CENPN: variants seen among roughly 807,000 people sequenced by gnomAD.
CENPN encodes interphase centromere complex protein 32.
CENPN carries 36 observed loss-of-function variants against 48.6 expected under a neutral mutation model. That is an observed-to-expected ratio of 0.74 (90% CI 0.57 to 0.98). CENPN has a LOEUF of 0.98. Ranked by LOEUF, CENPN falls within the 50% of genes least tolerant of loss-of-function variation. The pLI is 0.00. For synonymous variants in CENPN, 166 were observed against 135.2 expected (o/e 1.23, Z -1.58); for missense variants, 439 against 399.2 (o/e 1.10, Z -0.85).
At position 81,030,477 on chromosome 16, in the gene CENPN, A is replaced by G. The variant is rs1202261921; in HGVS notation, c.*1826A>G. On this transcript the variant is annotated 3_prime_UTR_variant, in exon 11 of 11. Transcript: ENST00000305850. ...AATGACTTCACTCTGGGCCGGGTGT[A>G]GTGGCTCACGCCTGTAATCCTAGCA... 1.3e-5 allele frequency: 11 copies of G among 863,888 alleles called. No homozygotes were observed. The highest frequency in any genetic ancestry group is 1.8e-5 in the African/African-American group (1 of 54,634). 53.5% of individuals were successfully genotyped at this position (863,888 alleles called of 1,614,324 possible). A position where few individuals can be genotyped will look rare whatever the true frequency, so the allele number is the denominator to read the frequency against.
chr16:81,010,389 C>A (rs202231632), intron 1 of CENPN, among the ~76,000 whole-genome samples: 4 of 152,086 alleles, frequency 2.6e-5, no homozygotes, highest in African/African-American at 9.7e-5. Flanking sequence ...TTCCTGCAGC[C>A]GCTAGGTCAT....
chr16:81,009,790 A>C lies in CENPN; in HGVS notation c.-10-2140A>C, dbSNP rs539113392. Among the ~76,000 whole-genome samples, 3 of 152,384 alleles carry C rather than the reference A, an allele frequency of 2.0e-5. No homozygotes were observed. The South Asian group carries it at 6.2e-4, about 32-fold the overall frequency. Reference sequence around the variant, plus strand: ...GAATTCCCACAGTTGTGAAGGAAACAGATGACTGACAGGCTTGTCTTAAAC... The same window carrying C: ...GAATTCCCACAGTTGTGAAGGAAACCGATGACTGACAGGCTTGTCTTAAAC... On this transcript the variant is annotated intron_variant, in intron 1 of 10. Coordinates refer to ENST00000305850, the MANE Select transcript of CENPN (RefSeq NM_001100624.3).
chr16:81,028,535 T>G (rs1238004712), intron 10 of CENPN, 34 bp from the exon 11 acceptor site: 3 of 1,554,768 alleles, frequency 1.9e-6, no homozygotes, highest in Non-Finnish European at 2.6e-6. Flanking sequence ...GACTTTTAAT[T>G]TTCTTTTTCC....
rs942615226 is a variant in CENPN, at chr16:81,020,473, C to A, written c.531+197C>A. ...ACGAGTCCAAGGCTGCCGTGAGCTG[C>A]GATCACAAGACAAAGCAACACCCCA... On this transcript the variant is annotated intron_variant, in intron 6 of 10. Coordinates refer to ENST00000305850, the MANE Select transcript of CENPN (RefSeq NM_001100624.3). 8 of 438,394 alleles carry A rather than the reference C, an allele frequency of 1.8e-5. No individual in the cohort carries two copies. The Admixed American group carries it at 2.9e-4, about 16-fold the overall frequency. The allele number at this position is 438,394 out of a possible 1,614,324, so 27.2% of individuals were successfully genotyped here. A position where few individuals can be genotyped will look rare whatever the true frequency, so the allele number is the denominator to read the frequency against.
intron 8 of CENPN, among the ~76,000 whole-genome samples, chr16:81,026,127 G>GTGTGTATATATA (rs1436389657): frequency 5.2e-5 from 5 of 95,654 alleles, no homozygotes; most frequent in African/African-American, 2.0e-4. Context: ...GTATATATAT[G>GTGTGTATATATA]TGTGTATATA....
At position 81,028,592 on chromosome 16, in the gene CENPN, C is replaced by A; in HGVS notation, c.961C>A (p.Pro321Thr). Reference protein sequence around the residue: ...PAGIADAPLSPLLTCIPNKRM... With the variant: ...PAGIADAPLSTLLTCIPNKRM... ...AGGTATTGCAGATGCTCCACTTTCT[C>A]CACTGCTCACTTGCATACCCAACAA... The change falls in exon 11 of 11, where the codon CCA becomes ACA. Residue 321 changes from proline to threonine, a missense_variant. Pro to Thr is a conservative substitution (Grantham distance 38). Transcript: ENST00000305850. 1 of 1,609,422 alleles carries A rather than the reference C, an allele frequency of 6.2e-7. No individual in the cohort carries two copies. The highest frequency in any genetic ancestry group is 1.1e-5 in the South Asian group (1 of 90,206).
chr16:81,026,556 T>C lies in CENPN; in HGVS notation c.728T>C (p.Val243Ala), dbSNP rs1970504984. Residue 243 changes from valine (V) to alanine (A), a missense_variant, in exon 9 of 11, where the codon GTA (valine) becomes GCA (alanine). By Grantham distance (64) the Val-to-Ala change is moderately conservative (BLOSUM62 0). Transcript: ENST00000305850. ...MDSRIIHENI[V>A]EKERVQRITQ... is the part of the protein sequence containing the mutation. Reference sequence around the variant, plus strand: ...TCAAGGATCATTCATGAAAACATAGTAGAAAAAGAGAGAGTCCAACGAATA... The same window carrying C: ...TCAAGGATCATTCATGAAAACATAGCAGAAAAAGAGAGAGTCCAACGAATA... The C allele has an allele frequency of 6.2e-7, 1 of 1,602,356 alleles. No individual in the cohort carries two copies. The highest frequency in any genetic ancestry group is 8.5e-7 in the Non-Finnish European group (1 of 1,171,570).
At chr16:81,022,401 A>T (rs1970256111) in intron 6 of CENPN, 196 bp from the exon 7 acceptor site, 1 of 544,992 alleles carries the variant, frequency 1.8e-6, no homozygotes, top group Non-Finnish European at 3.2e-6. Flanking sequence ...AAAAGACTGC[A>T]TTTATCAGAG....
chr16:81,009,756 T>C (rs1969665731), intron 1 of CENPN, among the ~76,000 whole-genome samples: 1 of 152,234 alleles, frequency 6.6e-6, no homozygotes, highest in African/African-American at 2.4e-5. Flanking sequence ...AGATACTTCT[T>C]TGTCCCTGGA....
chr16:81,016,409 G>T (rs1322549095), intron 3 of CENPN, among the ~76,000 whole-genome samples: 1 of 152,198 alleles, frequency 6.6e-6, no homozygotes, highest in African/African-American at 2.4e-5. Context: ...CAGTGAACAG[G>T]TCCCTCATTT....
chr16:81,014,410 A>G (rs1704155120), intron 3 of CENPN: 4 of 475,650 alleles, frequency 8.4e-6, no homozygotes, highest in African/African-American at 2.0e-5. Context: ...AATTTTTTGT[A>G]TTTTTTGCCA....
chr16:81,017,538 C>T (rs1969982274), intron 4 of CENPN, among the ~76,000 whole-genome samples, 153 bp downstream of exon 4: 1 of 152,072 alleles, frequency 6.6e-6, no homozygotes, highest in Non-Finnish European at 1.5e-5. Context: ...GTATGTTCCT[C>T]ATTTCTTTCA....
chr16:81,031,760 G>A (rs1160331012), downstream of CENPN, among the ~76,000 whole-genome samples: 2 of 152,100 alleles, frequency 1.3e-5, no homozygotes, highest in Non-Finnish European at 2.9e-5. Context: ...GTGCCACCAT[G>A]CCCAGCTAAT....
chr16:81,017,427 T>G, intron 4 of CENPN, 42 bp downstream of exon 4: 1 of 1,387,766 alleles, frequency 7.2e-7, no homozygotes, highest in Non-Finnish European at 1.0e-6. Context: ...ATAGTTTGGC[T>G]TGGACTCAGG....
intron 1 of CENPN, among the ~76,000 whole-genome samples, chr16:81,011,554 C>G (rs1381500777): frequency 6.6e-6 from 1 of 152,138 alleles, no homozygotes; most frequent in Non-Finnish European, 1.5e-5. Context: ...ATACTCTAGC[C>G]AGAAAAGGAG....
intron 2 of CENPN, 61 bp from the exon 3 acceptor site, chr16:81,014,075 T>C: frequency 7.1e-7 from 1 of 1,416,250 alleles, no homozygotes; most frequent in Non-Finnish European, 1.0e-6. Flanking sequence ...AAAATGTGTT[T>C]TAAACGGGAT....
intron 1 of CENPN, among the ~76,000 whole-genome samples, chr16:81,010,500 G>A (rs1969695202): frequency 6.6e-6 from 1 of 152,142 alleles, no homozygotes; most frequent in South Asian, 2.1e-4. Flanking sequence ...CTCAGGCATG[G>A]GCAGGAGAAG....
intron 1 of CENPN, among the ~76,000 whole-genome samples, chr16:81,008,582 G>T (rs977232498): frequency 1.3e-5 from 2 of 152,126 alleles, no homozygotes; most frequent in East Asian, 3.9e-4. Context: ...ATGTTGGCCT[G>T]GGTGGTCTTG....
At chr16:81,017,971 A>G (rs566757922) in intron 5 of CENPN, 137 bp downstream of exon 5, 13 of 577,100 alleles carry the variant, frequency 2.3e-5, no homozygotes, top group Middle Eastern at 9.6e-4. Flanking sequence ...ACTCCATATC[A>G]GAAACACACT....
Sources: gnomAD v4.1 joint callset for allele counts (sites outside exome capture counted in the v4.1 genomes callset) on GRCh38, gnomAD v4.1.1 for gene constraint, MANE v1.5 for transcripts, NCBI Gene and HGNC (gene_info 2026-07-23, HGNC 2026-07-21) for gene names.